Variants in MYO1D observed in about 807,000 individuals in gnomAD.
The protein encoded by MYO1D is myosin ID.
MYO1D carries 83 observed loss-of-function variants against 122.0 expected under a neutral mutation model. The ratio of observed to expected loss-of-function variants is 0.68; its 90% confidence interval spans 0.57 to 0.82. The LOEUF is 0.82. MYO1D is among the 40% of genes least tolerant of loss of function. MYO1D has a pLI of 0.00. For missense variants in MYO1D, 1,157 were observed against 1,269.5 expected (o/e 0.91, Z 1.35); for synonymous variants, 464 against 446.9 (o/e 1.04, Z -0.48).
chr17:32,874,382 A>G (rs746849927), intron 1 of MYO1D, among the ~76,000 whole-genome samples: 5 of 151,250 alleles, frequency 3.3e-5, no homozygotes, highest in Non-Finnish European at 7.4e-5. Context: ...GTGCTCTATT[A>G]CACAGGCTGG....
chr17:32,873,751 G>A (rs1179670471), intron 1 of MYO1D, among the ~76,000 whole-genome samples: 1 of 152,158 alleles, frequency 6.6e-6, no homozygotes, highest in Non-Finnish European at 1.5e-5. Flanking sequence ...AACAATCACT[G>A]ATCTGTACAA....
intron 14 of MYO1D, among the ~76,000 whole-genome samples, chr17:32,723,914 C>T (rs952966112): frequency 2.0e-5 from 3 of 152,002 alleles, no homozygotes; most frequent in East Asian, 1.9e-4. Flanking sequence ...GAATACCAAC[C>T]CTTTCATTAG....
intron 14 of MYO1D, chr17:32,727,458 G>C (rs2089590566): frequency 6.6e-6 from 1 of 152,190 alleles, no homozygotes; most frequent in Admixed American, 6.5e-5. Flanking sequence ...TCCCAAGACA[G>C]ATGCAATTTA....
chr17:32,634,485 G>T (rs2088069909), intron 20 of MYO1D, among the ~76,000 whole-genome samples: 1 of 152,216 alleles, frequency 6.6e-6, no homozygotes, highest in Non-Finnish European at 1.5e-5. Context: ...CTGATTTATA[G>T]AAGTTCAATG....
rs1299442890 is a variant in MYO1D, at chr17:32,493,185, C to G, written c.*1574G>C. On this transcript the variant is annotated 3_prime_UTR_variant, in exon 22 of 22. Transcript: ENST00000318217. ...TGGGCTGAGGGCACCTCTGCCTGTGCAGGCAGCTGACCAGGCTTGGAGAAT... is the reference window on the plus strand; with the variant it reads ...TGGGCTGAGGGCACCTCTGCCTGTGGAGGCAGCTGACCAGGCTTGGAGAAT... 1 of 152,302 alleles carries G rather than the reference C, an allele frequency of 6.6e-6. No individual in the cohort carries two copies. Among genetic ancestry groups the G allele is most frequent in the East Asian group, 1.9e-4 (1 of 5,198 alleles). The allele number at this position is 152,302 out of a possible 1,614,324, so 9.4% of individuals were successfully genotyped here.
chr17:32,830,730 A>G (rs1379092583), intron 1 of MYO1D, among the ~76,000 whole-genome samples: 1 of 152,188 alleles, frequency 6.6e-6, no homozygotes, highest in Non-Finnish European at 1.5e-5. Flanking sequence ...ATTTTTCCTA[A>G]TACTCATTTT....
At chr17:32,686,595 T>C (rs559425507) in intron 16 of MYO1D, 5 of 152,290 alleles carry the variant, frequency 3.3e-5, no homozygotes, top group African/African-American at 1.2e-4. Context: ...AAACCATTCA[T>C]TGGCTCATGC....
intron 1 of MYO1D, among the ~76,000 whole-genome samples, chr17:32,842,886 CTTTTTT>C (rs34927176): frequency 4.8e-5 from 5 of 104,458 alleles, no homozygotes; most frequent in Non-Finnish European, 9.4e-5. Context: ...CTATTTCTTT[CTTTTTT>C]TTTTTTTTTT....
chr17:32,662,010 A>G (rs1297806721), intron 16 of MYO1D, among the ~76,000 whole-genome samples: 2 of 152,208 alleles, frequency 1.3e-5, no homozygotes, highest in Non-Finnish European at 2.9e-5. Flanking sequence ...TTTATTTACT[A>G]TAAACCTACT....
intron 21 of MYO1D, among the ~76,000 whole-genome samples, chr17:32,595,973 G>C (rs941994931): frequency 1.1e-4 from 17 of 152,104 alleles, no homozygotes; most frequent in African/African-American, 3.4e-4. Flanking sequence ...GGCAGGTCCA[G>C]GATTGAATCA....
At chr17:32,549,484 T>C (rs1264100602) in intron 21 of MYO1D, among the ~76,000 whole-genome samples, 1 of 152,176 alleles carries the variant, frequency 6.6e-6, no homozygotes, top group East Asian at 1.9e-4. Flanking sequence ...AGCGAGGTCA[T>C]AGGAGGGGCA....
intron 10 of MYO1D, among the ~76,000 whole-genome samples, chr17:32,758,787 G>T (rs2089972422): frequency 6.6e-6 from 1 of 152,136 alleles, no homozygotes; most frequent in African/African-American, 2.4e-5. Context: ...ATTGTGGGGG[G>T]ATCTGCCATG....
chr17:32,532,917 C>T (rs1910557805), intron 21 of MYO1D, among the ~76,000 whole-genome samples: 1 of 152,120 alleles, frequency 6.6e-6, no homozygotes, highest in East Asian at 1.9e-4. Flanking sequence ...CAGACTTGAT[C>T]ATCCCATCTT....
intron 21 of MYO1D, among the ~76,000 whole-genome samples, chr17:32,507,996 A>C (rs902401688): frequency 6.7e-6 from 1 of 150,344 alleles, no homozygotes; most frequent in Non-Finnish European, 1.5e-5. Context: ...TCCTGGGTTC[A>C]AGTGATTCTC....
intron 14 of MYO1D, among the ~76,000 whole-genome samples, chr17:32,731,619 G>A (rs941018664): frequency 6.6e-6 from 1 of 152,234 alleles, no homozygotes; most frequent in Non-Finnish European, 1.5e-5. Flanking sequence ...ATCTGGAGCA[G>A]CTGCTGCCAT....
At chr17:32,867,220 G>C (rs1435426587) in intron 1 of MYO1D, among the ~76,000 whole-genome samples, 2 of 151,616 alleles carry the variant, frequency 1.3e-5, no homozygotes, top group African/African-American at 4.9e-5. Flanking sequence ...CAGCTACTCG[G>C]GAGGCTGAGG....
At chr17:32,558,832 T>C (rs1159371884) in intron 21 of MYO1D, among the ~76,000 whole-genome samples, 1 of 152,236 alleles carries the variant, frequency 6.6e-6, no homozygotes, top group Non-Finnish European at 1.5e-5. Context: ...GGAGCCAGAC[T>C]GTCTGAGCTC....
intron 21 of MYO1D, among the ~76,000 whole-genome samples, chr17:32,521,864 A>G (rs1910150796): frequency 6.6e-6 from 1 of 152,114 alleles, no homozygotes; most frequent in African/African-American, 2.4e-5. Context: ...TGGGGGAATC[A>G]TGAAGTCAGA....
At chr17:32,604,070 C>A (rs959656028) in intron 21 of MYO1D, among the ~76,000 whole-genome samples, 2 of 151,530 alleles carry the variant, frequency 1.3e-5, no homozygotes, top group African/African-American at 4.9e-5. Flanking sequence ...TCTGTGCAGC[C>A]CACCTCTAAA....
Sources: gnomAD v4.1 joint callset for allele counts (sites outside exome capture counted in the v4.1 genomes callset) on GRCh38, gnomAD v4.1.1 for gene constraint, MANE v1.5 for transcripts, NCBI Gene and HGNC (gene_info 2026-07-23, HGNC 2026-07-21) for gene names.